MAP6D1: variants seen among roughly 807,000 people sequenced by gnomAD.
MAP6D1 encodes the protein MAP6 domain containing 1.
In MAP6D1, 13 loss-of-function variants were observed where a neutral mutation model predicts 17.4. The observed-to-expected ratio is 0.75, with a 90% CI of 0.49 to 1.19. The LOEUF is 1.19. MAP6D1 is among the 50% of genes most tolerant of loss of function. MAP6D1 has a pLI of 0.00. For synonymous variants in MAP6D1, 141 were observed against 145.7 expected, an observed-to-expected ratio of 0.97 and a Z score of 0.23; for missense variants, 313 against 312.6, an observed-to-expected ratio of 1.00 and a Z score of -0.01.
At chr3:183,821,953 G>A (rs972148405) in intron 1 of MAP6D1, among the ~76,000 whole-genome samples, 7 of 151,990 alleles carry the variant, frequency 4.6e-5, no homozygotes, top group Non-Finnish European at 7.4e-5. Flanking sequence ...GAGCCACTGC[G>A]ACCGGCCTCT....
intron 1 of MAP6D1, among the ~76,000 whole-genome samples, chr3:183,818,732 G>A (rs1727178644): frequency 6.6e-6 from 1 of 152,210 alleles, no homozygotes; most frequent in East Asian, 1.9e-4. Flanking sequence ...CAGAAGAATG[G>A]ATCGCAGTGA....
At chr3:183,821,912 C>T (rs552599536) in intron 1 of MAP6D1, among the ~76,000 whole-genome samples, 9 of 152,042 alleles carry the variant, frequency 5.9e-5, no homozygotes, top group East Asian at 1.9e-4. Context: ...CCGTCCATCT[C>T]GGCCTCCCAA....
Position 183,816,341 on chromosome 3 carries a change from T to G in MAP6D1, c.*1015A>C, listed in dbSNP as rs1180434059. ...TTCCTTACTGAAGACTGTCCTGAGC[T>G]TGTACCTCTAAGCTTTAAAAAGAGA... On this transcript the variant is annotated 3_prime_UTR_variant, in exon 3 of 3. Coordinates refer to ENST00000318631, the MANE Select transcript of MAP6D1 (RefSeq NM_024871.4). 3 of 152,246 alleles carry G rather than the reference T, an allele frequency of 2.0e-5. No individual in the cohort carries two copies. The highest frequency in any genetic ancestry group is 7.2e-5 in the African/African-American group (3 of 41,454). The allele number at this position is 152,246 out of a possible 1,614,324, so 9.4% of individuals were successfully genotyped here.
intron 1 of MAP6D1, among the ~76,000 whole-genome samples, chr3:183,821,687 A>G (rs570981450): frequency 6.6e-6 from 1 of 152,008 alleles, no homozygotes; most frequent in African/African-American, 2.4e-5. Flanking sequence ...CTGGGATTAC[A>G]GGTGCGTGCC....
chr3:183,820,962 G>A (rs1266088090), intron 1 of MAP6D1, among the ~76,000 whole-genome samples: 1 of 151,672 alleles, frequency 6.6e-6, no homozygotes, highest in Non-Finnish European at 1.5e-5. Context: ...GGGTGTGGTG[G>A]TGGGCGCCTG....
In MAP6D1 at chr3:183,816,784, G is replaced by A. The variant is rs1727120034; in HGVS notation, c.*572C>T. ...TCTTGGCCATAAGGAGGTCTGTGAA[G>A]TGGAAGCCCGTGACTGACGGTCTGT... On this transcript the variant is annotated 3_prime_UTR_variant, in exon 3 of 3. Transcript: ENST00000318631. The A allele has an allele frequency of 6.5e-6, 1 of 153,996 alleles. No homozygotes were observed. 9.5% of individuals were successfully genotyped at this position (153,996 alleles called of 1,614,324 possible). A position where few individuals can be genotyped will look rare whatever the true frequency, so the allele number is the denominator to read the frequency against.
intron 1 of MAP6D1, 85 bp from the exon 2 acceptor site, chr3:183,818,196 C>A: frequency 1.8e-6 from 2 of 1,098,500 alleles, no homozygotes; most frequent in Non-Finnish European, 2.8e-6. Flanking sequence ...CTGCCCCATG[C>A]ACGGCCCTGC....
Position 183,825,497 on chromosome 3 carries a change from G to C in MAP6D1, c.51C>G (p.Asn17Lys). ...SRLCCLARRW[N>K]QLDRSDVAVP... ...CCGCCACGTCGGAGCGGTCCAGCTG[G>C]TTCCAGCGCCGCGCCAGGCAGCACA... Residue 17 changes from asparagine (N) to lysine (K), a missense_variant, in exon 1 of 3, where the codon AAC (asparagine) becomes AAG (lysine). Coordinates refer to ENST00000318631, the MANE Select transcript of MAP6D1 (RefSeq NM_024871.4). 1 of 1,417,448 alleles carries C rather than the reference G, an allele frequency of 7.1e-7. No homozygotes were observed. Among genetic ancestry groups the C allele is most frequent in the Non-Finnish European group, 9.2e-7 (1 of 1,086,910 alleles). 87.8% of individuals were successfully genotyped at this position (1,417,448 alleles called of 1,614,324 possible).
In MAP6D1 at chr3:183,817,289, G is replaced by A; in HGVS notation, c.*67C>T. 1.4e-6 allele frequency: 2 copies of A among 1,472,494 alleles called. No homozygotes were observed. Among genetic ancestry groups the A allele is most frequent in the Admixed American group, 2.0e-5 (1 of 50,858 alleles). The allele number at this position is 1,472,494 out of a possible 1,614,324, so 91.2% of individuals were successfully genotyped here. ...TGCCATGCTCTCGCCCAGCCCCGCGGCAGTGGGTCCTGAGGCCGCTCCCCA... is the reference window on the plus strand; with the variant it reads ...TGCCATGCTCTCGCCCAGCCCCGCGACAGTGGGTCCTGAGGCCGCTCCCCA... On this transcript the variant is annotated 3_prime_UTR_variant, in exon 3 of 3. Coordinates refer to ENST00000318631, the MANE Select transcript of MAP6D1 (RefSeq NM_024871.4).
chr3:183,817,731 C>T (rs994194833), intron 2 of MAP6D1, among the ~76,000 whole-genome samples: 4 of 152,146 alleles, frequency 2.6e-5, no homozygotes, highest in African/African-American at 7.2e-5. Flanking sequence ...GGTACTCAGG[C>T]CAGTCACTAG....
In MAP6D1 at chr3:183,817,136, A is replaced by G. The variant is rs1473313032; in HGVS notation, c.*220T>C. On this transcript the variant is annotated 3_prime_UTR_variant, in exon 3 of 3. Coordinates refer to ENST00000318631, the MANE Select transcript of MAP6D1 (RefSeq NM_024871.4). ...CAGTTAACGAACGCAGGAGCCTTCC[A>G]CAGGCTTCTCAAGAGGATGCTTGAG... 1.8e-6 allele frequency: 1 copy of G among 547,120 alleles called. No individual in the cohort carries two copies. The highest frequency in any genetic ancestry group is 1.9e-5 in the African/African-American group (1 of 52,134). The allele number at this position is 547,120 out of a possible 1,614,324, so 33.9% of individuals were successfully genotyped here.
intron 1 of MAP6D1, among the ~76,000 whole-genome samples, chr3:183,823,776 G>C (rs1369484267): frequency 6.6e-6 from 1 of 152,038 alleles, no homozygotes; most frequent in African/African-American, 2.4e-5. Flanking sequence ...GTGACAGAGC[G>C]AGACTCCGTC....
chr3:183,817,915 T>A, intron 2 of MAP6D1, 79 bp downstream of exon 2: 1 of 1,132,346 alleles, frequency 8.8e-7, no homozygotes, highest in Non-Finnish European at 1.3e-6. Context: ...TTTTACACCA[T>A]GAAAATCTGG....
In MAP6D1 at chr3:183,817,271, C is replaced by G; in HGVS notation, c.*85G>C. ...CCCTCCCGCAGGGGCCCATGCCATG[C>G]TCTCGCCCAGCCCCGCGGCAGTGGG... On this transcript the variant is annotated 3_prime_UTR_variant, in exon 3 of 3. Transcript: ENST00000318631. 1 of 1,364,682 alleles carries G rather than the reference C, an allele frequency of 7.3e-7. No individual in the cohort carries two copies. Among genetic ancestry groups the G allele is most frequent in the Non-Finnish European group, 1.0e-6 (1 of 980,562 alleles). 84.5% of individuals were successfully genotyped at this position (1,364,682 alleles called of 1,614,324 possible).
intron 1 of MAP6D1, among the ~76,000 whole-genome samples, chr3:183,818,871 G>A (rs1727181933): frequency 6.6e-6 from 1 of 152,124 alleles, no homozygotes; most frequent in Non-Finnish European, 1.5e-5. Context: ...GGGCCCTGGA[G>A]GGAGAGGATG....
intron 1 of MAP6D1, among the ~76,000 whole-genome samples, chr3:183,819,441 G>T (rs1727195250): frequency 6.6e-6 from 1 of 152,222 alleles, no homozygotes; most frequent in African/African-American, 2.4e-5. Context: ...TGAGCCCGCT[G>T]CCCTGAGGTG....
chr3:183,816,085 C>T lies in MAP6D1; in HGVS notation c.*1271G>A, dbSNP rs914575246. The T allele has an allele frequency of 2.0e-5, 3 of 152,190 alleles. No individual in the cohort carries two copies. Among genetic ancestry groups the T allele is most frequent in the Non-Finnish European group, 4.4e-5 (3 of 68,038 alleles). 9.4% of individuals were successfully genotyped at this position (152,190 alleles called of 1,614,324 possible). A position where few individuals can be genotyped will look rare whatever the true frequency, so the allele number is the denominator to read the frequency against. ...GCACACGCTTTGGGCTTCTTTAAAG[C>T]GAGCCTCTCATCAAGAGCATTTCCT... On this transcript the variant is annotated 3_prime_UTR_variant, in exon 3 of 3. Transcript: ENST00000318631.
Position 183,825,458 on chromosome 3 carries a change from C to T in MAP6D1, c.90G>A (p.Leu30=), listed in dbSNP as rs1560357972. Residue 30 remains leucine, a synonymous_variant, in exon 1 of 3, where the codon CTG becomes CTA. Transcript: ENST00000318631. The part of the protein sequence containing the change: ...DRSDVAVPLT[L]HGYSDLDSEE... ...CGCTGTCGAGGTCCGAGTAGCCGTG[C>T]AGAGTGAGCGGCACCGCCACGTCGG... The T allele has an allele frequency of 7.0e-7, 1 of 1,435,466 alleles. No individual in the cohort carries two copies. Among genetic ancestry groups the T allele is most frequent in the Non-Finnish European group, 9.1e-7 (1 of 1,099,754 alleles). 88.9% of individuals were successfully genotyped at this position (1,435,466 alleles called of 1,614,324 possible).
chr3:183,818,375 AG>A (rs1727169286), intron 1 of MAP6D1, among the ~76,000 whole-genome samples: 2 of 152,210 alleles, frequency 1.3e-5, no homozygotes, highest in Admixed American at 1.3e-4. Context: ...CCGGTCCCTA[AG>A]GAAGTAGGAG....
Sources: allele counts gnomAD v4.1 joint callset (sites outside exome capture counted in the v4.1 genomes callset), GRCh38; gene constraint gnomAD v4.1.1; transcripts MANE v1.5; gene names NCBI Gene and HGNC (gene_info 2026-07-23, HGNC 2026-07-21).